SHANK2: variants seen among roughly 807,000 people sequenced by gnomAD.
SHANK2 encodes SH3 and multiple ankyrin repeat domains 2.
A neutral mutation model predicts 133.7 loss-of-function variants in SHANK2; 43 were observed. The observed-to-expected ratio is 0.32, with a 90% CI of 0.25 to 0.41. The LOEUF is 0.41. Ranked by LOEUF, SHANK2 falls within the 10% of genes least tolerant of loss-of-function variation. SHANK2 has a pLI of 1.00. For missense variants in SHANK2, 1,994 were observed against 2,235.8 expected, an observed-to-expected ratio of 0.89 and a Z score of 2.18; for synonymous variants, 1,017 against 952.8, an observed-to-expected ratio of 1.07 and a Z score of -1.24.
Position 70,470,808 on chromosome 11 carries a change from C to T in SHANK2, c.*2061G>A, listed in dbSNP as rs2058589517. ...TGCAAAAGGTTTTGGAACAGAAGGTCCAAAAACTTGGTTCCAACATCAGGG... is the reference window on the plus strand; with the variant it reads ...TGCAAAAGGTTTTGGAACAGAAGGTTCAAAAACTTGGTTCCAACATCAGGG... On this transcript the variant is annotated 3_prime_UTR_variant, in exon 26 of 26. Transcript: ENST00000601538. The T allele has an allele frequency of 6.5e-6, 1 of 153,004 alleles. No homozygotes were observed. Among genetic ancestry groups the T allele is most frequent in the Admixed American group, 6.5e-5 (1 of 15,296 alleles). The allele number at this position is 153,004 out of a possible 1,614,324, so 9.5% of individuals were successfully genotyped here.
intron 17 of SHANK2, among the ~76,000 whole-genome samples, chr11:70,527,761 A>G (rs1304546076): frequency 6.6e-6 from 1 of 152,218 alleles, no homozygotes. Flanking sequence ...AAGCTGAGCT[A>G]CGAATGTGCC....
intron 10 of SHANK2, among the ~76,000 whole-genome samples, chr11:70,900,368 T>G (rs1279063066): frequency 6.7e-6 from 1 of 148,538 alleles, no homozygotes; most frequent in Non-Finnish European, 1.5e-5. Context: ...AAAAAAAAAG[T>G]TTGCTATGAT....
intron 17 of SHANK2, among the ~76,000 whole-genome samples, chr11:70,588,686 T>C (rs2060283843): frequency 6.6e-6 from 1 of 152,236 alleles, no homozygotes; most frequent in Non-Finnish European, 1.5e-5. Flanking sequence ...AAAGAAGCTG[T>C]GTTCTGTAAC....
intron 10 of SHANK2, among the ~76,000 whole-genome samples, chr11:70,904,792 G>A (rs1171518399): frequency 2.0e-5 from 3 of 152,162 alleles, no homozygotes; most frequent in African/African-American, 4.8e-5. Context: ...ACAGGCATGA[G>A]CCATCGTGCC....
chr11:70,509,262 C>G (rs1554968908), intron 17 of SHANK2, among the ~76,000 whole-genome samples: 1 of 152,252 alleles, frequency 6.6e-6, no homozygotes, highest in Non-Finnish European at 1.5e-5. Flanking sequence ...TCACCTGCCC[C>G]TGCAGCACCA....
At chr11:70,528,948 C>T (rs1372453107) in intron 17 of SHANK2, among the ~76,000 whole-genome samples, 3 of 152,118 alleles carry the variant, frequency 2.0e-5, no homozygotes, top group Non-Finnish European at 4.4e-5. Context: ...GTGACGATTT[C>T]CCCCCACTGG....
At chr11:71,166,871 G>A (rs1418595699) in intron 2 of SHANK2, among the ~76,000 whole-genome samples, 1 of 143,816 alleles carries the variant, frequency 7.0e-6, no homozygotes, top group Non-Finnish European at 1.6e-5. Flanking sequence ...CAATAGTGGA[G>A]GGAAGGTCAA....
In SHANK2 at chr11:71,092,469, C is replaced by A. The variant is rs782263510; in HGVS notation, c.865G>T (p.Ala289Ser). 3.2e-6 allele frequency: 5 copies of A among 1,551,272 alleles called. No individual in the cohort carries two copies. The highest frequency in any genetic ancestry group is 1.4e-5 in the African/African-American group (1 of 72,890). The stretch of plus-strand genomic sequence containing the variant: ...TTCTCATCTTTGCAGCACACAGTGG[C>A]GTGTTCGTGCAGGAGAAGCTCGCAG... ...YCCELLLHEH[A>S]TVCCKDENGW... The change falls in exon 8 of 26, where the codon GCC (alanine) becomes TCC (serine). Residue 289 changes from alanine to serine, a missense_variant. By Grantham distance (99) the Ala-to-Ser change is moderately conservative. Around this residue, in one of 5 missense-constraint regions of SHANK2, gnomAD observed 653 missense variants for 563.4 expected, o/e 1.16. Transcript: ENST00000601538.
At position 70,777,353 on chromosome 11, in the gene SHANK2, A is replaced by T. The variant is rs112288287; in HGVS notation, c.1777+21090T>A. Among the ~76,000 whole-genome samples the T allele has an allele frequency of 2.8e-3, 416 of 150,670 alleles. 3 individuals carry two copies. Among genetic ancestry groups the T allele is most frequent in the African/African-American group, 1.0e-2 (406 of 40,650 alleles). On this transcript the variant is annotated intron_variant, in intron 14 of 25. Transcript: ENST00000601538. ...CATCCTTCTACCTACCCATCCATTT[A>T]TCTGTCCATCCATACACCCATCCAC...
intron 11 of SHANK2, among the ~76,000 whole-genome samples, chr11:70,854,792 G>A (rs1349929502): frequency 1.3e-5 from 2 of 152,216 alleles, no homozygotes; most frequent in African/African-American, 2.4e-5. Context: ...CAAAGCTGCT[G>A]GGGTGTGAGT....
chr11:70,670,122 G>T lies in SHANK2; in HGVS notation c.1854-8444C>A, dbSNP rs570016120. Among the ~76,000 whole-genome samples, 14 of 152,300 alleles carry T rather than the reference G, an allele frequency of 9.2e-5. No individual in the cohort carries two copies. In the South Asian group the frequency reaches 2.5e-3, roughly 27 times the overall value. Reference sequence around the variant, plus strand: ...AGAGAGACTGGGTGGTGCGTTTATTGCCCCTGAAAGTCCTTCCCAGAGCAG... The same window carrying T: ...AGAGAGACTGGGTGGTGCGTTTATTTCCCCTGAAAGTCCTTCCCAGAGCAG... On this transcript the variant is annotated intron_variant, in intron 15 of 25. Coordinates refer to ENST00000601538, the MANE Select transcript of SHANK2 (RefSeq NM_012309.5).
intron 21 of SHANK2, among the ~76,000 whole-genome samples, chr11:70,499,346 T>TTTCTCTTGCTCAGACG (rs1378460144): frequency 6.6e-6 from 1 of 152,206 alleles, no homozygotes; most frequent in African/African-American, 2.4e-5. Flanking sequence ...TTGTAGCCAG[T>TTTCTCTTGCTCAGACG]TTCTCTTGCT....
At chr11:70,592,633 C>T (rs1376572390) in intron 17 of SHANK2, among the ~76,000 whole-genome samples, 1 of 152,120 alleles carries the variant, frequency 6.6e-6, no homozygotes, top group Non-Finnish European at 1.5e-5. Context: ...ATGTGTGCAG[C>T]CCTGGTCCTG....
rs565421215 is a variant in SHANK2 at position 70,798,548 on chromosome 11, T to C, written c.1672A>G (p.Ile558Val). The change falls in exon 14 of 26, where the codon ATC becomes GTC. Residue 558 changes from isoleucine to valine, a missense_variant. This residue lies in a region of SHANK2 where 653 missense variants were observed against 563.4 expected (regional missense o/e 1.16). Coordinates refer to ENST00000601538, the MANE Select transcript of SHANK2 (RefSeq NM_012309.5). ...HRGDRVKVLSIGEGGFWEGSA... is the reference protein window; with the variant it reads ...HRGDRVKVLSVGEGGFWEGSA... ...CCTTCCCAGAAGCCCCCTTCACCGA[T>C]GCTCAGAACTAGAGACGACAAAAAG... The C allele has an allele frequency of 7.9e-5, 57 of 718,418 alleles. No homozygotes were observed. The highest frequency in any genetic ancestry group is 4.9e-4 in the African/African-American group (28 of 57,226). The allele number at this position is 718,418 out of a possible 1,614,324, so 44.5% of individuals were successfully genotyped here.
chr11:70,487,197 C>A lies in SHANK2; in HGVS notation c.3096G>T (p.Pro1032=), dbSNP rs782267703. 1.9e-6 allele frequency: 3 copies of A among 1,613,696 alleles called. No individual in the cohort carries two copies. Among genetic ancestry groups the A allele is most frequent in the East Asian group, 4.5e-5 (2 of 44,876 alleles). ...TGGACGGCTCCTTCACGATGATGGT[C>A]GGGATAGGGATGGAGCACGTCTTCT... ...SPEKTCSIPI[P]TIIVKEPSTS... is the part of the protein sequence containing the mutation. Residue 1032 remains proline (P), a synonymous_variant, in exon 25 of 26, where the codon CCG becomes CCT. Transcript: ENST00000601538. This position sits in a 1 kb window ranked among gnomAD's most constrained non-coding sequence, Gnocchi z 5.8.
intron 17 of SHANK2, among the ~76,000 whole-genome samples, chr11:70,653,107 G>A (rs2061356934): frequency 6.6e-6 from 1 of 151,524 alleles, no homozygotes; most frequent in Admixed American, 6.6e-5. Context: ...CGAGTAGCTG[G>A]GACTACAGGC....
chr11:70,919,148 C>A (rs905287208), intron 10 of SHANK2, among the ~76,000 whole-genome samples: 7 of 152,108 alleles, frequency 4.6e-5, no homozygotes, highest in Non-Finnish European at 1.0e-4. Context: ...CAGGCAACAA[C>A]AGAGCAAGAC....
intron 2 of SHANK2, among the ~76,000 whole-genome samples, chr11:71,193,544 T>C (rs1953836143): frequency 2.0e-5 from 3 of 152,240 alleles, no homozygotes; most frequent in South Asian, 2.1e-4. Context: ...AGAGCCACAA[T>C]TTCTGAGGTC....
chr11:70,504,793 G>A (rs2059113638), intron 17 of SHANK2, among the ~76,000 whole-genome samples: 1 of 152,142 alleles, frequency 6.6e-6, no homozygotes. Flanking sequence ...ACAGCACCGG[G>A]AGTTCTCGGA....
Sources: allele counts gnomAD v4.1 joint callset (sites outside exome capture counted in the v4.1 genomes callset), GRCh38; gene constraint gnomAD v4.1.1; regional missense constraint gnomAD v4.1.1; non-coding constraint Gnocchi (gnomAD v3.1); transcripts MANE v1.5; gene names NCBI Gene and HGNC (gene_info 2026-07-23, HGNC 2026-07-21).